Variants in TAFA5 observed in about 807,000 individuals in gnomAD.
TAFA5 encodes the protein TAFA chemokine like family member 5.
TAFA5 carries 6 observed loss-of-function variants against 15.3 expected under a neutral mutation model. The ratio of observed to expected loss-of-function variants is 0.39; its 90% CI spans 0.21 to 0.77. The LOEUF is 0.77. TAFA5 is among the 30% of genes least tolerant of loss of function. The pLI, the probability that TAFA5 is intolerant of heterozygous loss-of-function variation, is 0.41. For missense variants in TAFA5, 161 were observed against 193.1 expected (o/e 0.83, Z 0.98); for synonymous variants, 103 against 80.7 (o/e 1.28, Z -1.48).
intron 2 of TAFA5, among the ~76,000 whole-genome samples, chr22:48,689,735 G>A (rs1441967262): frequency 6.6e-6 from 1 of 152,154 alleles, no homozygotes; most frequent in Admixed American, 6.5e-5. Context: ...ATGGGGCTGG[G>A]GCCAGACTGT....
intron 1 of TAFA5, among the ~76,000 whole-genome samples, chr22:48,603,592 G>A (rs1925053460): frequency 6.6e-6 from 1 of 152,200 alleles, no homozygotes; most frequent in Non-Finnish European, 1.5e-5. Flanking sequence ...CCTCTCCCCA[G>A]GAGCATGGTC....
chr22:48,527,623 G>A (rs894323045), intron 1 of TAFA5, among the ~76,000 whole-genome samples: 2 of 152,232 alleles, frequency 1.3e-5, no homozygotes, highest in Non-Finnish European at 2.9e-5. Flanking sequence ...CTGCCTGGAA[G>A]GGAGGTGAGG....
At chr22:48,589,079 T>C (rs574252189) in intron 1 of TAFA5, among the ~76,000 whole-genome samples, 20 of 152,298 alleles carry the variant, frequency 1.3e-4, no homozygotes, top group African/African-American at 4.6e-4. Flanking sequence ...AGAAAATCCA[T>C]CTTCAGACCC....
At chr22:48,536,885 G>T (rs1475723870) in intron 1 of TAFA5, among the ~76,000 whole-genome samples, 1 of 152,208 alleles carries the variant, frequency 6.6e-6, no homozygotes, top group Non-Finnish European at 1.5e-5. Flanking sequence ...GCAGCCCCCG[G>T]ACACCCTGGC....
intron 1 of TAFA5, among the ~76,000 whole-genome samples, chr22:48,623,246 G>A (rs904930498): frequency 2.0e-4 from 30 of 148,954 alleles, no homozygotes; most frequent in African/African-American, 6.5e-4. Context: ...GGGACGTGCC[G>A]CGTGGCCCTG....
intron 2 of TAFA5, among the ~76,000 whole-genome samples, chr22:48,687,844 C>T (rs1928411916): frequency 6.6e-6 from 1 of 152,170 alleles, no homozygotes; most frequent in South Asian, 2.1e-4. Context: ...TCCCTGAGTG[C>T]GGCTCCACCA....
At chr22:48,576,711 G>C in intron 1 of TAFA5, 1 of 1,050,426 alleles carries the variant, frequency 9.5e-7, no homozygotes, top group Non-Finnish European at 1.2e-6. Context: ...CGGGCCCGGA[G>C]CGGCCGGCGG....
intron 1 of TAFA5, chr22:48,544,879 G>C (rs115772232): frequency 2.1e-6 from 1 of 470,892 alleles, no homozygotes; most frequent in East Asian, 7.0e-5. Flanking sequence ...AAGTAAGCCA[G>C]ACTCGGGGCT....
chr22:48,743,527 C>T (rs1424234314), intron 3 of TAFA5, among the ~76,000 whole-genome samples: 1 of 152,242 alleles, frequency 6.6e-6, no homozygotes, highest in African/African-American at 2.4e-5. Flanking sequence ...ATGTCTGTTA[C>T]TGTAGAACAC....
At chr22:48,535,613 C>CATTTGCACAGGCACGCGT in intron 1 of TAFA5, among the ~76,000 whole-genome samples, 2 of 152,004 alleles carry the variant, frequency 1.3e-5, no homozygotes, top group Non-Finnish European at 2.9e-5. Context: ...ACACATCACA[C>CATTTGCACAGGCACGCGT]ATGGTCACAC....
intron 1 of TAFA5, among the ~76,000 whole-genome samples, chr22:48,584,753 A>T (rs914613146): frequency 1.3e-5 from 2 of 151,144 alleles, no homozygotes; most frequent in African/African-American, 4.9e-5. Flanking sequence ...CCCTCCACAC[A>T]CACACAACAC....
At chr22:48,748,395 G>A (rs1930389096) in intron 3 of TAFA5, among the ~76,000 whole-genome samples, 1 of 152,214 alleles carries the variant, frequency 6.6e-6, no homozygotes, top group Non-Finnish European at 1.5e-5. Context: ...AGGCCCCAGG[G>A]GTGCAGTGAG....
chr22:48,578,861 A>G (rs9615931), intron 1 of TAFA5, among the ~76,000 whole-genome samples: 34,766 of 150,034 alleles, frequency 0.23, 4,601 homozygotes, highest in Middle Eastern at 0.34. Context: ...AGGTGCAGGG[A>G]GGGGGGTGGC....
At chr22:48,684,639 C>G (rs1422292851) in intron 2 of TAFA5, among the ~76,000 whole-genome samples, 1 of 152,212 alleles carries the variant, frequency 6.6e-6, no homozygotes, top group Non-Finnish European at 1.5e-5. Flanking sequence ...TCCCCACACT[C>G]CTGCCCGCTT....
At chr22:48,675,544 A>G (rs574873106) in intron 2 of TAFA5, among the ~76,000 whole-genome samples, 1 of 152,350 alleles carries the variant, frequency 6.6e-6, no homozygotes, top group East Asian at 1.9e-4. Flanking sequence ...TGCCCAGACA[A>G]GTGGACCCCC....
chr22:48,494,558 C>T (rs1484173012), intron 1 of TAFA5, among the ~76,000 whole-genome samples: 4 of 152,178 alleles, frequency 2.6e-5, no homozygotes, highest in Non-Finnish European at 5.9e-5. Flanking sequence ...GCAGGGGGCC[C>T]ATAGCGTCTG....
intron 1 of TAFA5, among the ~76,000 whole-genome samples, chr22:48,540,754 C>A (rs533438897): frequency 8.6e-5 from 13 of 151,736 alleles, no homozygotes; most frequent in Middle Eastern, 3.2e-3. Context: ...AATTTAGTCA[C>A]TAATGTACTG....
chr22:48,531,804 G>A (rs1921983249), intron 1 of TAFA5, among the ~76,000 whole-genome samples: 1 of 152,194 alleles, frequency 6.6e-6, no homozygotes, highest in Non-Finnish European at 1.5e-5. Context: ...GAGGCTGGGA[G>A]GCTGACCCTG....
chr22:48,499,070 C>A (rs1920939814), intron 1 of TAFA5, among the ~76,000 whole-genome samples: 1 of 152,174 alleles, frequency 6.6e-6, no homozygotes, highest in African/African-American at 2.4e-5. Flanking sequence ...CCCTCCCAGA[C>A]CGGCGGAGCT....
Sources: allele counts gnomAD v4.1 joint callset (sites outside exome capture counted in the v4.1 genomes callset), GRCh38; gene constraint gnomAD v4.1.1; transcripts MANE v1.5; gene names NCBI Gene and HGNC (gene_info 2026-07-23, HGNC 2026-07-21).